The following TBC1D2 variants were observed in gnomAD, a reference collection of about 807,000 sequenced individuals.
The protein encoded by TBC1D2 is TBC1 domain family member 2, also known as TBC1 domain family member 2A.
In TBC1D2, 58 loss-of-function variants were observed where a neutral mutation model predicts 91.1. The ratio of observed to expected loss-of-function variants is 0.64; its 90% CI spans 0.52 to 0.79. The LOEUF (loss-of-function observed/expected upper bound fraction) is 0.79, where lower values mean the gene tolerates loss of function less well. Ranked by LOEUF, TBC1D2 falls within the 30% of genes least tolerant of loss-of-function variation. The probability of loss-of-function intolerance (pLI) is 0.00; values close to 1 mark genes in which losing one functional copy is unlikely to be tolerated. For synonymous variants in TBC1D2, 482 were observed against 511.5 expected, an observed-to-expected ratio of 0.94 and a Z score of 0.78; for missense variants, 1,080 against 1,208.3, an observed-to-expected ratio of 0.89 and a Z score of 1.57.
At chr9:98,234,039 G>A (rs1447767819) in intron 3 of TBC1D2, among the ~76,000 whole-genome samples, 2 of 152,146 alleles carry the variant, frequency 1.3e-5, no homozygotes, top group Non-Finnish European at 2.9e-5. Context: ...GAGATAAGTT[G>A]CAAACATCTC....
chr9:98,229,054 T>G lies in TBC1D2; in HGVS notation c.876A>C (p.Pro292=), dbSNP rs1471113370. The part of the protein sequence containing the change: ...QKAKRQNNTF[P]FFSEGITRNR... Reference sequence around the variant, plus strand: ...TCCGTGTGATTCCTTCAGAAAAGAATGGGAAGGTGTTGTTCTGGCGCTTGG... The same window carrying G: ...TCCGTGTGATTCCTTCAGAAAAGAAGGGGAAGGTGTTGTTCTGGCGCTTGG... The change falls in exon 5 of 13, where the codon CCA becomes CCC. Residue 292 remains proline (P), a synonymous_variant. Transcript: ENST00000465784. 6.2e-7 allele frequency: 1 copy of G among 1,614,174 alleles called. No individual in the cohort carries two copies. The highest frequency in any genetic ancestry group is 1.3e-5 in the African/African-American group (1 of 75,038).
intron 10 of TBC1D2, among the ~76,000 whole-genome samples, chr9:98,202,696 C>T (rs950881586): frequency 6.6e-6 from 1 of 152,220 alleles, no homozygotes; most frequent in South Asian, 2.1e-4. Flanking sequence ...GTAATGGACA[C>T]ATGGAGGTTC....
chr9:98,230,851 A>G (rs764856069), intron 4 of TBC1D2, among the ~76,000 whole-genome samples: 2 of 152,206 alleles, frequency 1.3e-5, no homozygotes, highest in African/African-American at 2.4e-5. Context: ...AGTGCGCTTT[A>G]GCCTGGGCAA....
In TBC1D2 at chr9:98,229,069, CTGGCGCT is replaced by C. The variant is rs773236922; in HGVS notation, c.854_860del (p.Lys285ArgfsTer30). On this transcript the variant is annotated frameshift_variant, in exon 5 of 13. Transcript: ENST00000465784. LOFTEE classifies it high-confidence loss of function. ...CAGAAAAGAATGGGAAGGTGTTGTT[CTGGCGCT>C]TGGCTTTCTGAGCGAAACTGATGGT... 6.2e-6 allele frequency: 10 copies of C among 1,614,244 alleles called. No homozygotes were observed. The highest frequency in any genetic ancestry group is 7.6e-6 in the Non-Finnish European group (9 of 1,180,052).
rs117582850 is a variant in TBC1D2 at position 98,225,193 on chromosome 9, C to G, written c.978+3759G>C. ...AGCCGCCAACAGATGGCCAACATCA[C>G]CACAGACAACAGCCTTCCATCTGCC... is the stretch of plus-strand genomic sequence containing the variant. On this transcript the variant is annotated intron_variant, in intron 5 of 12. Transcript: ENST00000465784. Among the ~76,000 whole-genome samples, 352 of 152,352 alleles carry G rather than the reference C, an allele frequency of 2.3e-3. 1 individual carries two copies. Among genetic ancestry groups the G allele is most frequent in the Non-Finnish European group, 3.4e-3 (228 of 68,028 alleles).
intron 5 of TBC1D2, among the ~76,000 whole-genome samples, chr9:98,227,452 T>C (rs989873022): frequency 6.6e-6 from 1 of 152,146 alleles, no homozygotes; most frequent in Non-Finnish European, 1.5e-5. Flanking sequence ...TAATCACCAG[T>C]TGCTTCACTA....
chr9:98,215,655 G>A (rs1828952894), intron 6 of TBC1D2, among the ~76,000 whole-genome samples: 1 of 152,136 alleles, frequency 6.6e-6, no homozygotes, highest in Admixed American at 6.5e-5. Flanking sequence ...CTATAGGCAG[G>A]CACCACCATG....
At chr9:98,244,287 T>C (rs945520129) in intron 2 of TBC1D2, among the ~76,000 whole-genome samples, 158 bp from the exon 3 acceptor site, 14 of 152,162 alleles carry the variant, frequency 9.2e-5, no homozygotes, top group African/African-American at 3.1e-4. Context: ...AGCAGCAAAA[T>C]AGGCTTTTCA....
intron 6 of TBC1D2, among the ~76,000 whole-genome samples, chr9:98,214,857 T>C (rs12348328): frequency 0.29 from 44,623 of 151,944 alleles, 7,106 homozygotes; most frequent in African/African-American, 0.4. Flanking sequence ...GAATGCCCCC[T>C]GTTGACTTTA....
At position 98,221,081 on chromosome 9, in the gene TBC1D2, C is replaced by T; in HGVS notation, c.1126G>A (p.Val376Met). 1.9e-6 allele frequency: 3 copies of T among 1,608,254 alleles called. No individual in the cohort carries two copies. Among genetic ancestry groups the T allele is most frequent in the Non-Finnish European group, 2.5e-6 (3 of 1,177,756 alleles). Residue 376 changes from valine (V) to methionine (M), a missense_variant, in exon 6 of 13, where the codon GTG (valine) becomes ATG (methionine). Coordinates refer to ENST00000465784, the MANE Select transcript of TBC1D2 (RefSeq NM_001267571.2). ...VRQIAELGRR[V>M]EALEQERESL... The stretch of plus-strand genomic sequence containing the variant: ...TCCCGCTCCTGCTCCAGGGCCTCCA[C>T]CCGCCGGCCCAGCTCCGCGATCTGC...
chr9:98,209,318 A>G (rs1828751214), intron 8 of TBC1D2, among the ~76,000 whole-genome samples, 174 bp from the exon 9 acceptor site: 1 of 152,092 alleles, frequency 6.6e-6, no homozygotes. Context: ...GAATCTGTAT[A>G]ATGCATATGG....
intron 2 of TBC1D2, among the ~76,000 whole-genome samples, chr9:98,250,542 G>A (rs62574277): frequency 0.17 from 25,116 of 152,022 alleles, 2,122 homozygotes; most frequent in Admixed American, 0.18. Context: ...CTCACTGGCT[G>A]GAATTGAGGA....
At chr9:98,239,169 C>T (rs1047214788) in intron 3 of TBC1D2, among the ~76,000 whole-genome samples, 3 of 152,122 alleles carry the variant, frequency 2.0e-5, no homozygotes, top group Non-Finnish European at 4.4e-5. Flanking sequence ...AGTGATCCTT[C>T]CACCTCAGCC....
At chr9:98,204,509 C>T (rs11788019) in intron 9 of TBC1D2, among the ~76,000 whole-genome samples, 1 of 152,128 alleles carries the variant, frequency 6.6e-6, no homozygotes, top group South Asian at 2.1e-4. Flanking sequence ...CTGGTCATAA[C>T]GAGCATTTAA....
intron 3 of TBC1D2, among the ~76,000 whole-genome samples, chr9:98,234,556 T>A (rs898377353): frequency 2.0e-5 from 3 of 152,150 alleles, no homozygotes; most frequent in Non-Finnish European, 4.4e-5. Context: ...AAATAGAAAC[T>A]ATCAGGGCTG....
At chr9:98,214,619 T>C (rs1014237305) in intron 6 of TBC1D2, among the ~76,000 whole-genome samples, 2 of 152,044 alleles carry the variant, frequency 1.3e-5, no homozygotes, top group Non-Finnish European at 1.5e-5. Flanking sequence ...CGTGGCCAGA[T>C]TGATTTGGAA....
chr9:98,203,064 C>A (rs763893041), intron 10 of TBC1D2, among the ~76,000 whole-genome samples: 2 of 152,272 alleles, frequency 1.3e-5, no homozygotes, highest in African/African-American at 4.8e-5. Context: ...GAGCCTGAAC[C>A]CTGCGGTACT....
chr9:98,253,827 G>T (rs1315118852), intron 1 of TBC1D2, among the ~76,000 whole-genome samples: 1 of 152,108 alleles, frequency 6.6e-6, no homozygotes, highest in Admixed American at 6.5e-5. Flanking sequence ...GTGCATGCAG[G>T]TTCTCCCTCA....
intron 3 of TBC1D2, among the ~76,000 whole-genome samples, chr9:98,233,936 C>T (rs1003540659): frequency 6.6e-6 from 1 of 152,212 alleles, no homozygotes; most frequent in African/African-American, 2.4e-5. Context: ...TGAGTGAATG[C>T]TGAATGGACT....
Sources: allele counts gnomAD v4.1 joint callset (sites outside exome capture counted in the v4.1 genomes callset), GRCh38; gene constraint gnomAD v4.1.1; transcripts MANE v1.5; gene names NCBI Gene and HGNC (gene_info 2026-07-23, HGNC 2026-07-21).